Variants in ADGRL2 observed in about 807,000 individuals in gnomAD.
The protein encoded by ADGRL2 is calcium-independent alpha-latrotoxin receptor 2.
A neutral mutation model predicts 157.4 loss-of-function variants in ADGRL2; 44 were observed. That is an observed-to-expected ratio of 0.28 (90% CI 0.22 to 0.36). The LOEUF (loss-of-function observed/expected upper bound fraction) is 0.36. ADGRL2 is among the 10% of genes least tolerant of loss of function. The probability of loss-of-function intolerance (pLI) is 1.00; values close to 1 mark genes in which losing one functional copy is unlikely to be tolerated. For synonymous variants in ADGRL2, 585 were observed against 624.7 expected (o/e 0.94, Z 0.95); for missense variants, 1,510 against 1,768.9 (o/e 0.85, Z 2.63).
chr1:81,758,049 T>C (rs1207812274), intron 1 of ADGRL2, among the ~76,000 whole-genome samples: 2 of 152,198 alleles, frequency 1.3e-5, no homozygotes, highest in Admixed American at 6.5e-5. Flanking sequence ...AATCAGCAAT[T>C]ACTTTATATT....
chr1:81,426,343 G>A (rs1313611857), intron 1 of ADGRL2: 1 of 270,318 alleles, frequency 3.7e-6, no homozygotes, highest in Non-Finnish European at 7.2e-6. Flanking sequence ...GGGGAGAAAG[G>A]GCAGAGAAAG....
At chr1:81,589,776 T>C (rs1404685099) in intron 3 of ADGRL2, among the ~76,000 whole-genome samples, 2 of 152,200 alleles carry the variant, frequency 1.3e-5, no homozygotes, top group African/African-American at 4.8e-5. Context: ...CCATAGAGGA[T>C]AGTTTTAAAG....
intron 2 of ADGRL2, among the ~76,000 whole-genome samples, chr1:81,504,055 G>A (rs895344415): frequency 6.6e-5 from 10 of 152,180 alleles, no homozygotes; most frequent in Non-Finnish European, 1.3e-4. Context: ...CAGGGCCCCA[G>A]ATCCCCCTTC....
intron 3 of ADGRL2, among the ~76,000 whole-genome samples, chr1:81,628,028 T>C (rs1335886296): frequency 1.3e-5 from 2 of 152,180 alleles, no homozygotes; most frequent in East Asian, 3.9e-4. Flanking sequence ...ACAGCATTTT[T>C]TGGAGCTGCT....
At chr1:81,778,651 A>T (rs1392803361) in intron 2 of ADGRL2, among the ~76,000 whole-genome samples, 1 of 152,150 alleles carries the variant, frequency 6.6e-6, no homozygotes, top group Non-Finnish European at 1.5e-5. Flanking sequence ...GCAGACTGAC[A>T]TTTTTTGAAC....
At chr1:81,783,955 A>G (rs1016945966) in intron 2 of ADGRL2, among the ~76,000 whole-genome samples, 3 of 152,200 alleles carry the variant, frequency 2.0e-5, no homozygotes, top group Non-Finnish European at 4.4e-5. Context: ...TATAAGACAC[A>G]GGTAATGATC....
chr1:81,926,532 C>T (rs2095110560), intron 3 of ADGRL2, among the ~76,000 whole-genome samples: 1 of 151,956 alleles, frequency 6.6e-6, no homozygotes, highest in Non-Finnish European at 1.5e-5. Flanking sequence ...ATAGTTTCTG[C>T]AAGTGCAAAC....
At chr1:81,938,127 C>T (rs539714311) in intron 4 of ADGRL2, among the ~76,000 whole-genome samples, 30 of 151,878 alleles carry the variant, frequency 2.0e-4, no homozygotes, top group African/African-American at 6.0e-4. Flanking sequence ...ACTGAGTACA[C>T]TGATCTTTAT....
intron 1 of ADGRL2, among the ~76,000 whole-genome samples, chr1:81,415,614 T>A (rs879610810): frequency 5.7e-4 from 86 of 152,206 alleles, no homozygotes; most frequent in Admixed American, 3.3e-4. Context: ...AAGAATTAGC[T>A]GTAAATGCTA....
chr1:81,864,716 C>A (rs762377993), intron 2 of ADGRL2, among the ~76,000 whole-genome samples: 8 of 152,076 alleles, frequency 5.3e-5, no homozygotes, highest in Non-Finnish European at 1.0e-4. Flanking sequence ...AATCCCAGCA[C>A]TTTGGGAGGC....
chr1:81,769,017 G>A (rs564415620), intron 2 of ADGRL2, among the ~76,000 whole-genome samples: 6 of 152,220 alleles, frequency 3.9e-5, no homozygotes, highest in South Asian at 2.1e-4. Flanking sequence ...CCCAGGAGGC[G>A]GAGGTTGCTG....
rs140768329 is a variant in ADGRL2 at position 81,328,544 on chromosome 1, T to G, written c.-302+22035T>G. On this transcript the variant is annotated intron_variant, in intron 1 of 24. Transcript: ENST00000370721. ...CTACCCTACCCCAGTAATAGTATCT[T>G]GGAAAACTTATTATAAAGTGAATTC... Among the ~76,000 whole-genome samples, 125 of 152,282 alleles carry G rather than the reference T, an allele frequency of 8.2e-4. 2 individuals carry two copies. In the East Asian group the frequency reaches 0.021, roughly 26 times the overall value.
intron 1 of ADGRL2, among the ~76,000 whole-genome samples, chr1:81,802,928 C>G (rs2088494006): frequency 1.3e-5 from 2 of 152,036 alleles, no homozygotes; most frequent in Admixed American, 1.3e-4. Flanking sequence ...CGATTGGGAG[C>G]GGCGGGGCTG....
At chr1:81,376,112 A>G (rs942704151) in intron 1 of ADGRL2, among the ~76,000 whole-genome samples, 1 of 152,220 alleles carries the variant, frequency 6.6e-6, no homozygotes, top group Non-Finnish European at 1.5e-5. Context: ...GGGCTGAGTA[A>G]TACAGATATA....
At chr1:81,469,422 T>G (rs912888814) in intron 2 of ADGRL2, among the ~76,000 whole-genome samples, 2 of 152,290 alleles carry the variant, frequency 1.3e-5, no homozygotes, top group Middle Eastern at 3.4e-3. Flanking sequence ...TAAAGTCGCT[T>G]ACAGACTCAC....
intron 3 of ADGRL2, among the ~76,000 whole-genome samples, chr1:81,677,157 G>C (rs1433345549): frequency 6.6e-6 from 1 of 151,912 alleles, no homozygotes; most frequent in East Asian, 1.9e-4. Flanking sequence ...GGCTAATTTT[G>C]TATTTTTAGT....
intron 2 of ADGRL2, among the ~76,000 whole-genome samples, chr1:81,880,492 G>T (rs1194703384): frequency 6.6e-6 from 1 of 152,164 alleles, no homozygotes; most frequent in African/African-American, 2.4e-5. Context: ...GCGGACACTT[G>T]AAGAGTGAGT....
At chr1:81,476,097 C>G (rs375613501) in intron 2 of ADGRL2, among the ~76,000 whole-genome samples, 4 of 151,228 alleles carry the variant, frequency 2.6e-5, no homozygotes, top group African/African-American at 9.7e-5. Context: ...AAGAGAAAAG[C>G]CTTCACACTA....
intron 1 of ADGRL2, among the ~76,000 whole-genome samples, chr1:81,835,683 T>C (rs77350198): frequency 1.8e-3 from 272 of 152,214 alleles, no homozygotes; most frequent in African/African-American, 6.1e-3. Flanking sequence ...GGCATAATAC[T>C]GATGTTGGTG....
Sources: allele counts gnomAD v4.1 joint callset (sites outside exome capture counted in the v4.1 genomes callset), GRCh38; gene constraint gnomAD v4.1.1; transcripts MANE v1.5; gene names NCBI Gene and HGNC (gene_info 2026-07-23, HGNC 2026-07-21).